The following RIMS1 variants were observed in gnomAD, a reference collection of about 807,000 sequenced individuals.
RIMS1 encodes regulating synaptic membrane exocytosis protein 1.
In RIMS1, 83 loss-of-function variants were observed where a neutral mutation model predicts 214.1. The ratio of observed to expected loss-of-function variants is 0.39; its 90% CI spans 0.32 to 0.47. RIMS1 has a LOEUF of 0.47. Among genes scored for constraint, RIMS1 ranks in the 20% least tolerant of loss-of-function variants. RIMS1 has a pLI of 0.99. For missense variants in RIMS1, 2,050 were observed against 2,161.8 expected, an observed-to-expected ratio of 0.95 and a Z score of 1.03; for synonymous variants, 793 against 786.8, an observed-to-expected ratio of 1.01 and a Z score of -0.13.
chr6:72,002,658 C>T (rs1030395419), intron 2 of RIMS1, among the ~76,000 whole-genome samples: 2 of 152,136 alleles, frequency 1.3e-5, no homozygotes, highest in Non-Finnish European at 2.9e-5. Context: ...GAAACAAGAT[C>T]ACCAGTGATG....
chr6:72,183,054 T>C lies in RIMS1; in HGVS notation c.1583T>C (p.Met528Thr). The change falls in exon 6 of 34, where the codon ATG becomes ACG. Residue 528 changes from methionine (M) to threonine (T), a missense_variant. Coordinates refer to ENST00000521978, the MANE Select transcript of RIMS1 (RefSeq NM_014989.7). The part of the protein sequence containing the change: ...RSKRGGKKRQ[M>T]SVSSSEEEGV... ...AAGAGAGGCGGCAAGAAGCGGCAGATGTCGGTGAGCAGCTCTGAGGAGGAG... is the reference window on the plus strand; with the variant it reads ...AAGAGAGGCGGCAAGAAGCGGCAGACGTCGGTGAGCAGCTCTGAGGAGGAG... 1.3e-6 allele frequency: 2 copies of C among 1,597,626 alleles called. No homozygotes were observed. The highest frequency in any genetic ancestry group is 1.7e-6 in the Non-Finnish European group (2 of 1,173,070).
At chr6:72,029,805 C>T (rs1035140661) in intron 2 of RIMS1, among the ~76,000 whole-genome samples, 1 of 152,036 alleles carries the variant, frequency 6.6e-6, no homozygotes, top group Non-Finnish European at 1.5e-5. Context: ...TTAAGCAATT[C>T]CAAAGATGTA....
At chr6:72,346,364 TA>T (rs1232243484) in intron 29 of RIMS1, among the ~76,000 whole-genome samples, 1 of 151,844 alleles carries the variant, frequency 6.6e-6, no homozygotes, top group Non-Finnish European at 1.5e-5. Flanking sequence ...TCTTAAGATC[TA>T]ACGCTTGAGT....
intron 26 of RIMS1, among the ~76,000 whole-genome samples, chr6:72,296,237 A>G (rs2094080564): frequency 6.6e-6 from 1 of 151,962 alleles, no homozygotes; most frequent in Non-Finnish European, 1.5e-5. Context: ...ACTGACAACT[A>G]GAAAACAATT....
intron 9 of RIMS1, 103 bp from the exon 10 acceptor site, chr6:72,242,211 A>T (rs1394901452): frequency 1.1e-6 from 1 of 902,000 alleles, no homozygotes; most frequent in African/African-American, 1.7e-5. Flanking sequence ...AGACAATTAA[A>T]CTATTTGTAT....
chr6:71,892,755 G>T (rs1345765085), intron 1 of RIMS1, among the ~76,000 whole-genome samples: 1 of 152,130 alleles, frequency 6.6e-6, no homozygotes, highest in Non-Finnish European at 1.5e-5. Flanking sequence ...TCAGGTATTA[G>T]AATTAGGTCA....
intron 1 of RIMS1, among the ~76,000 whole-genome samples, chr6:71,888,399 G>A (rs1768503291): frequency 6.6e-6 from 1 of 152,182 alleles, no homozygotes; most frequent in South Asian, 2.1e-4. Context: ...GGAACCTGTT[G>A]CATCTGGAGT....
At chr6:71,912,272 T>A (rs1053585074) in intron 1 of RIMS1, among the ~76,000 whole-genome samples, 3 of 152,244 alleles carry the variant, frequency 2.0e-5, no homozygotes, top group Admixed American at 2.0e-4. Flanking sequence ...ATTTTTGAGT[T>A]AGTCATAATT....
At chr6:72,360,569 A>G (rs1595171415) in intron 29 of RIMS1, among the ~76,000 whole-genome samples, 1 of 152,164 alleles carries the variant, frequency 6.6e-6, no homozygotes, top group East Asian at 1.9e-4. Flanking sequence ...CAAAAGTCGT[A>G]TCAGTGCTAG....
chr6:72,371,059 C>G (rs528323969), intron 29 of RIMS1, among the ~76,000 whole-genome samples: 1 of 152,148 alleles, frequency 6.6e-6, no homozygotes, highest in East Asian at 1.9e-4. Flanking sequence ...TTATATTTGT[C>G]AACTCTGATC....
intron 1 of RIMS1, among the ~76,000 whole-genome samples, chr6:71,955,649 C>T (rs1021455288): frequency 6.6e-6 from 1 of 152,082 alleles, no homozygotes; most frequent in Non-Finnish European, 1.5e-5. Flanking sequence ...TGTATATGTA[C>T]ATATGCACCT....
intron 29 of RIMS1, among the ~76,000 whole-genome samples, chr6:72,353,854 T>G (rs2097543232): frequency 6.6e-6 from 1 of 152,178 alleles, no homozygotes; most frequent in African/African-American, 2.4e-5. Flanking sequence ...TCTGCTAACA[T>G]TTTTCCTGTA....
At chr6:72,165,148 T>A (rs1174942408) in intron 4 of RIMS1, among the ~76,000 whole-genome samples, 3 of 152,218 alleles carry the variant, frequency 2.0e-5, no homozygotes, top group Admixed American at 6.5e-5. Flanking sequence ...TTGTTTTGTA[T>A]TTTACATTTT....
chr6:71,997,098 A>G (rs1803686689), intron 2 of RIMS1, among the ~76,000 whole-genome samples: 1 of 152,180 alleles, frequency 6.6e-6, no homozygotes, highest in African/African-American at 2.4e-5. Context: ...ACTACTCTGC[A>G]CAGAATGTAT....
intron 26 of RIMS1, among the ~76,000 whole-genome samples, chr6:72,300,058 T>A (rs2094468521): frequency 6.6e-6 from 1 of 151,818 alleles, no homozygotes; most frequent in Admixed American, 6.6e-5. Context: ...AGAGCTCCAT[T>A]AGGAAAAGTA....
chr6:71,902,960 C>T (rs994620647), intron 1 of RIMS1, among the ~76,000 whole-genome samples: 1 of 152,130 alleles, frequency 6.6e-6, no homozygotes, highest in Non-Finnish European at 1.5e-5. Context: ...CATGTCTTTG[C>T]TATTGTGAAT....
intron 22 of RIMS1, among the ~76,000 whole-genome samples, chr6:72,269,272 A>G (rs534518450): frequency 6.6e-6 from 1 of 152,236 alleles, no homozygotes; most frequent in South Asian, 2.1e-4. Flanking sequence ...TCTCTCTTCC[A>G]TTAAGTACCT....
chr6:72,316,724 G>A (rs1398275863), intron 28 of RIMS1: 1 of 651,028 alleles, frequency 1.5e-6, no homozygotes, highest in Non-Finnish European at 3.0e-6. Context: ...AGATCCCAGA[G>A]CAGCCTGGGG....
At chr6:71,893,319 T>G (rs1274254904) in intron 1 of RIMS1, among the ~76,000 whole-genome samples, 1 of 151,936 alleles carries the variant, frequency 6.6e-6, no homozygotes, top group East Asian at 1.9e-4. Flanking sequence ...TTCTTTTCTT[T>G]TTTTTTTTCC....
Sources: gnomAD v4.1 joint callset for allele counts (sites outside exome capture counted in the v4.1 genomes callset) on GRCh38, gnomAD v4.1.1 for gene constraint, MANE v1.5 for transcripts, NCBI Gene and HGNC (gene_info 2026-07-23, HGNC 2026-07-21) for gene names.